Variants in YTHDC2 observed in about 807,000 individuals in gnomAD.
YTHDC2 encodes YTH N6-methyladenosine RNA binding protein C2.
Under a neutral mutation model 174.9 loss-of-function variants are expected in YTHDC2, and 45 were observed. The ratio of observed to expected loss-of-function variants is 0.26; its 90% CI spans 0.20 to 0.33. The LOEUF (loss-of-function observed/expected upper bound fraction) is 0.33, where lower values mean the gene tolerates loss of function less well. YTHDC2 is among the 10% of genes least tolerant of loss of function. The pLI is 1.00. For missense variants in YTHDC2, 1,650 were observed against 1,723.7 expected (o/e 0.96, Z 0.76); for synonymous variants, 657 against 574.5 (o/e 1.14, Z -2.05).
At chr5:113,578,325 A>G (rs1404012963) in intron 23 of YTHDC2, among the ~76,000 whole-genome samples, 1 of 152,084 alleles carries the variant, frequency 6.6e-6, no homozygotes, top group Admixed American at 6.6e-5. Context: ...CCTCCTGAGT[A>G]GCTGGGACTA....
chr5:113,542,315 A>C (rs1476443931), intron 9 of YTHDC2, 53 bp from the exon 10 acceptor site: 1 of 1,580,274 alleles, frequency 6.3e-7, no homozygotes, highest in East Asian at 2.3e-5. Context: ...TGTTCTTTGC[A>C]AGCAAATGTT....
chr5:113,556,310 G>T, intron 17 of YTHDC2, 176 bp downstream of exon 17: 1 of 410,218 alleles, frequency 2.4e-6, no homozygotes. Context: ...GTTGAATGTA[G>T]GTTATGTTAA....
At chr5:113,555,389 CGA>C (rs2112681130) in intron 16 of YTHDC2, among the ~76,000 whole-genome samples, 1 of 152,050 alleles carries the variant, frequency 6.6e-6, no homozygotes, top group South Asian at 2.1e-4. Context: ...GTATAAGTAC[CGA>C]GTGACTGAAA....
chr5:113,579,025 TC>T (rs1441259152), intron 23 of YTHDC2, among the ~76,000 whole-genome samples: 1 of 152,048 alleles, frequency 6.6e-6, no homozygotes, highest in African/African-American at 2.4e-5. Flanking sequence ...GCTTTCTTCT[TC>T]CTTTATTAAA....
Position 113,584,440 on chromosome 5 carries a change from A to T in YTHDC2, c.3786A>T (p.Pro1262=). The T allele has an allele frequency of 6.2e-7, 1 of 1,613,586 alleles. No homozygotes were observed. Among genetic ancestry groups the T allele is most frequent in the Non-Finnish European group, 8.5e-7 (1 of 1,179,684 alleles). Residue 1262 remains proline (P), a synonymous_variant, in exon 26 of 30, where the codon CCA becomes CCT. Transcript: ENST00000161863. ...AATCTACAGACAGCAGTAGTTACCC[A>T]AGTCCTTGTGCTAGTCCTTCTCCTC... is the stretch of plus-strand genomic sequence containing the variant. ...SLKSTDSSSY[P]SPCASPSPPS...
At chr5:113,520,805 G>A (rs1045935637) in intron 2 of YTHDC2, among the ~76,000 whole-genome samples, 6 of 152,260 alleles carry the variant, frequency 3.9e-5, no homozygotes, top group Admixed American at 2.0e-4. Flanking sequence ...ACATGTGCAG[G>A]TTTGTTACAT....
intron 24 of YTHDC2, 50 bp from the exon 25 acceptor site, chr5:113,581,367 G>A: frequency 6.7e-7 from 1 of 1,482,750 alleles, no homozygotes; most frequent in Non-Finnish European, 9.0e-7. Context: ...ACACATAGGT[G>A]TTTTGCATAT....
rs149597437 is a variant in YTHDC2, at chr5:113,570,777, A to G, written c.3244+2928A>G. Among the ~76,000 whole-genome samples the G allele has an allele frequency of 6.6e-3, 1,000 of 152,060 alleles. 7 individuals are homozygous for G. The highest frequency in any genetic ancestry group is 0.022 in the African/African-American group (931 of 41,474). ...GCAATTCTGCTGCCTCAGCCTCCGG[A>G]GTAGCTGGGATTACAGACGTCTGCC... is the stretch of plus-strand genomic sequence containing the variant. On this transcript the variant is annotated intron_variant, in intron 23 of 29. Coordinates refer to ENST00000161863, the MANE Select transcript of YTHDC2 (RefSeq NM_022828.5).
At chr5:113,559,058 G>T (rs892382435) in intron 17 of YTHDC2, among the ~76,000 whole-genome samples, 1 of 152,138 alleles carries the variant, frequency 6.6e-6, no homozygotes, top group Admixed American at 6.5e-5. Context: ...TCAGGGGAGA[G>T]GGTAGTGTAA....
intron 23 of YTHDC2, among the ~76,000 whole-genome samples, chr5:113,577,495 G>A (rs1025833058): frequency 1.3e-4 from 19 of 151,886 alleles, no homozygotes; most frequent in African/African-American, 3.9e-4. Flanking sequence ...TCAGTCTCTC[G>A]AGTAGCTGGG....
intron 10 of YTHDC2, among the ~76,000 whole-genome samples, chr5:113,547,657 T>C (rs901693270): frequency 5.9e-5 from 9 of 152,100 alleles, no homozygotes; most frequent in South Asian, 4.1e-4. Context: ...AAACTTGTTC[T>C]AAAAAAATAG....
chr5:113,550,758 T>C (rs576527983), intron 12 of YTHDC2, among the ~76,000 whole-genome samples: 1 of 152,240 alleles, frequency 6.6e-6, no homozygotes, highest in Admixed American at 6.5e-5. Context: ...ACCACCACTA[T>C]GTATATGTAT....
rs200144981 is a variant in YTHDC2, at chr5:113,556,059, T to G, written c.2141T>G (p.Phe714Cys). ...ATGGTTTAAATATTACAGAAATCCT[T>G]TGATGCTCTGAATTTTGTTACAATG... ...IDSGKVKEKS[F>C]DALNFVTMLK... The change falls in exon 17 of 30, where the codon TTT becomes TGT. Residue 714 changes from phenylalanine (F) to cysteine (C), a missense_variant. Phe to Cys is a radical substitution (Grantham distance 205). Around this residue, in one of 5 missense-constraint regions of YTHDC2, gnomAD observed 913 missense variants for 940.4 expected, o/e 0.97. Coordinates refer to ENST00000161863, the MANE Select transcript of YTHDC2 (RefSeq NM_022828.5). 1 of 1,595,638 alleles carries G rather than the reference T, an allele frequency of 6.3e-7. No individual in the cohort carries two copies. Among genetic ancestry groups the G allele is most frequent in the Non-Finnish European group, 8.6e-7 (1 of 1,164,892 alleles).
rs1580572503 is a variant in YTHDC2, at chr5:113,556,169, C to T, written c.2216+35C>T. 4 of 1,318,004 alleles carry T rather than the reference C, an allele frequency of 3.0e-6. No individual in the cohort carries two copies. In the East Asian group the frequency reaches 7.1e-5, roughly 23 times the overall value. The allele number at this position is 1,318,004 out of a possible 1,614,324, so 81.6% of individuals were successfully genotyped here. A position where few individuals can be genotyped will look rare whatever the true frequency, so the allele number is the denominator to read the frequency against. On this transcript the variant is annotated intron_variant, in intron 17 of 29. Coordinates refer to ENST00000161863, the MANE Select transcript of YTHDC2 (RefSeq NM_022828.5). ...ATTTAATGTATATTCATTCAATTGC[C>T]TGTAAAATGGAAACGTTTTTATATG...
At chr5:113,575,973 C>T (rs1019148969) in intron 23 of YTHDC2, among the ~76,000 whole-genome samples, 1 of 152,096 alleles carries the variant, frequency 6.6e-6, no homozygotes, top group African/African-American at 2.4e-5. Flanking sequence ...GGAGTCAATT[C>T]TCAGATTTTG....
At chr5:113,567,886 G>T in intron 23 of YTHDC2, 37 bp downstream of exon 23, 4 of 1,390,250 alleles carry the variant, frequency 2.9e-6, no homozygotes, top group East Asian at 2.6e-5. Context: ...TATTTGAAAT[G>T]AATTTTTTTT....
At chr5:113,553,464 A>G in intron 13 of YTHDC2, 105 bp downstream of exon 13, 3 of 1,410,428 alleles carry the variant, frequency 2.1e-6, no homozygotes, top group Non-Finnish European at 2.9e-6. Context: ...TAGTAAGTGA[A>G]TAATCTCCTG....
intron 21 of YTHDC2, among the ~76,000 whole-genome samples, chr5:113,566,691 A>T (rs1326729520): frequency 1.3e-5 from 2 of 152,174 alleles, no homozygotes; most frequent in East Asian, 3.8e-4. Flanking sequence ...TATTTACTTG[A>T]CTTCATCTAC....
chr5:113,580,413 A>G (rs1049460350), intron 24 of YTHDC2, among the ~76,000 whole-genome samples: 2 of 152,128 alleles, frequency 1.3e-5, no homozygotes, highest in Non-Finnish European at 2.9e-5. Flanking sequence ...ATACTTCTGA[A>G]TTGGGGGTTT....
Sources: gnomAD v4.1 joint callset for allele counts (sites outside exome capture counted in the v4.1 genomes callset) on GRCh38, gnomAD v4.1.1 for gene constraint, gnomAD v4.1.1 regional missense constraint, MANE v1.5 for transcripts, NCBI Gene and HGNC (gene_info 2026-07-23, HGNC 2026-07-21) for gene names.